Variants in DEPDC1B observed in about 807,000 individuals in gnomAD.
The protein encoded by DEPDC1B is DEP domain containing 1B.
DEPDC1B carries 51 observed loss-of-function variants against 66.5 expected under a neutral mutation model. That is an observed-to-expected ratio of 0.77 (90% CI 0.61 to 0.97). DEPDC1B has a LOEUF of 0.97. DEPDC1B is among the 50% of genes least tolerant of loss of function. The pLI is 0.00. For synonymous variants in DEPDC1B, 226 were observed against 223.6 expected, an observed-to-expected ratio of 1.01 and a Z score of -0.10; for missense variants, 552 against 637.1, an observed-to-expected ratio of 0.87 and a Z score of 1.44.
intron 2 of DEPDC1B, among the ~76,000 whole-genome samples, chr5:60,660,597 C>T (rs184238523): frequency 2.2e-4 from 33 of 152,136 alleles, no homozygotes; most frequent in African/African-American, 6.8e-4. Context: ...AACTGCTTTG[C>T]TAGCAGAAGA....
At chr5:60,636,670 T>C (rs573049327) in intron 7 of DEPDC1B, among the ~76,000 whole-genome samples, 1 of 152,292 alleles carries the variant, frequency 6.6e-6, no homozygotes, top group African/African-American at 2.4e-5. Context: ...CTTCCGTATC[T>C]AGAAGGCCTT....
chr5:60,673,940 CT>C (rs1326508932), intron 2 of DEPDC1B, among the ~76,000 whole-genome samples: 2 of 152,160 alleles, frequency 1.3e-5, no homozygotes, highest in Non-Finnish European at 2.9e-5. Context: ...TTTATGCCTC[CT>C]GTTCCATTAT....
intron 2 of DEPDC1B, 52 bp downstream of exon 2, chr5:60,686,910 A>G: frequency 1.3e-6 from 2 of 1,598,370 alleles, no homozygotes; most frequent in Non-Finnish European, 1.7e-6. Flanking sequence ...CTTGGACCAG[A>G]TTCACTCATC....
Position 60,675,189 on chromosome 5 carries a change from G to A in DEPDC1B, c.314+11773C>T, listed in dbSNP as rs536631310. Among the ~76,000 whole-genome samples, 55 of 151,526 alleles carry A rather than the reference G, an allele frequency of 3.6e-4. No homozygotes were observed. In the South Asian group the frequency reaches 0.011, roughly 30 times the overall value. The stretch of plus-strand genomic sequence containing the variant: ...TGTCGGTTTCCACTGTAGGGCACAG[G>A]GCCCTGCCTCCCACCAACACCCACA... On this transcript the variant is annotated intron_variant, in intron 2 of 10. Coordinates refer to ENST00000265036, the MANE Select transcript of DEPDC1B (RefSeq NM_018369.3).
intron 9 of DEPDC1B, among the ~76,000 whole-genome samples, chr5:60,601,120 G>A (rs1343840993): frequency 6.6e-6 from 1 of 152,170 alleles, no homozygotes; most frequent in Non-Finnish European, 1.5e-5. Flanking sequence ...GGCCTCCCCA[G>A]CCATGCTGAA....
intron 2 of DEPDC1B, among the ~76,000 whole-genome samples, chr5:60,660,120 T>C (rs1427843792): frequency 6.6e-6 from 1 of 151,774 alleles, no homozygotes; most frequent in Non-Finnish European, 1.5e-5. Flanking sequence ...CCACTGTGTT[T>C]CCAAAATCCA....
intron 2 of DEPDC1B, among the ~76,000 whole-genome samples, chr5:60,679,917 A>G (rs1369520250): frequency 1.3e-5 from 2 of 152,248 alleles, no homozygotes; most frequent in African/African-American, 4.8e-5. Context: ...AGCAGTAAGT[A>G]CAGAATTTCT....
intron 2 of DEPDC1B, among the ~76,000 whole-genome samples, chr5:60,655,060 C>T (rs1753546096): frequency 6.7e-6 from 1 of 149,054 alleles, no homozygotes; most frequent in African/African-American, 2.5e-5. Context: ...TATCTATGTT[C>T]ATCAGGGATA....
At chr5:60,633,416 G>A (rs1202720125) in intron 7 of DEPDC1B, among the ~76,000 whole-genome samples, 2 of 152,340 alleles carry the variant, frequency 1.3e-5, no homozygotes, top group East Asian at 3.9e-4. Context: ...GAGAAACTGT[G>A]AAGTAGACTT....
chr5:60,645,226 ATACAG>A (rs1753284382), intron 4 of DEPDC1B, among the ~76,000 whole-genome samples: 1 of 152,218 alleles, frequency 6.6e-6, no homozygotes, highest in South Asian at 2.1e-4. Context: ...AACTTTATAC[ATACAG>A]TACATCAGTA....
chr5:60,617,675 A>C (rs986931540), intron 7 of DEPDC1B, among the ~76,000 whole-genome samples: 1 of 152,200 alleles, frequency 6.6e-6, no homozygotes, highest in Admixed American at 6.5e-5. Flanking sequence ...GTAGACTCCC[A>C]CACAATAATA....
At chr5:60,677,345 C>CTG (rs376186064) in intron 2 of DEPDC1B, among the ~76,000 whole-genome samples, 9,716 of 151,028 alleles carry the variant, frequency 0.064, 483 homozygotes, top group Non-Finnish European at 0.098. Flanking sequence ...CTCTCTCTCT[C>CTG]TCTCTCTCTC....
intron 2 of DEPDC1B, among the ~76,000 whole-genome samples, chr5:60,667,656 CAT>C (rs1491013329): frequency 1.1e-5 from 1 of 93,812 alleles, no homozygotes; most frequent in African/African-American, 3.5e-5. Context: ...GGATATTTTA[CAT>C]GTATATAATG....
At chr5:60,667,686 T>A (rs908423123) in intron 2 of DEPDC1B, among the ~76,000 whole-genome samples, 41 of 123,234 alleles carry the variant, frequency 3.3e-4, no homozygotes, top group South Asian at 1.9e-3. Flanking sequence ...TACATGTATA[T>A]AATGGATATT....
chr5:60,632,177 G>A (rs1752939706), intron 7 of DEPDC1B, among the ~76,000 whole-genome samples: 1 of 152,168 alleles, frequency 6.6e-6, no homozygotes, highest in Non-Finnish European at 1.5e-5. Context: ...GGGGCACCAG[G>A]GGCACTAAAA....
chr5:60,649,592 C>G (rs1753395870), intron 2 of DEPDC1B, among the ~76,000 whole-genome samples: 1 of 152,124 alleles, frequency 6.6e-6, no homozygotes, highest in Non-Finnish European at 1.5e-5. Flanking sequence ...TAAAGATGAT[C>G]CAGTTCAAAT....
intron 2 of DEPDC1B, among the ~76,000 whole-genome samples, chr5:60,678,434 G>A (rs1484396235): frequency 6.6e-6 from 1 of 152,158 alleles, no homozygotes; most frequent in Admixed American, 6.5e-5. Context: ...CCAGGAGTAG[G>A]AATGCTGAAT....
intron 9 of DEPDC1B, among the ~76,000 whole-genome samples, chr5:60,602,657 C>T (rs1490619994): frequency 6.6e-6 from 1 of 152,138 alleles, no homozygotes; most frequent in Non-Finnish European, 1.5e-5. Flanking sequence ...ACCACCATGA[C>T]AACAGCAGCA....
intron 2 of DEPDC1B, among the ~76,000 whole-genome samples, chr5:60,656,267 TCTC>T (rs1234565549): frequency 2.6e-5 from 4 of 151,632 alleles, no homozygotes; most frequent in African/African-American, 9.7e-5. Flanking sequence ...TTCACGCCAT[TCTC>T]CTGCCTCAGC....
Sources: gnomAD v4.1 joint callset for allele counts (sites outside exome capture counted in the v4.1 genomes callset) on GRCh38, gnomAD v4.1.1 for gene constraint, MANE v1.5 for transcripts, NCBI Gene and HGNC (gene_info 2026-07-23, HGNC 2026-07-21) for gene names.